Variants in IMMP1L observed in about 807,000 individuals in gnomAD.
IMMP1L encodes the protein mitochondrial inner membrane protease subunit 1.
A neutral mutation model predicts 21.8 loss-of-function variants in IMMP1L; 24 were observed. The ratio of observed to expected loss-of-function variants is 1.10; its 90% CI spans 0.80 to 1.55. The LOEUF (loss-of-function observed/expected upper bound fraction) is 1.55. IMMP1L is among the 40% of genes most tolerant of loss of function. The pLI is 0.00. For synonymous variants in IMMP1L, 46 were observed against 62.8 expected (o/e 0.73, Z 1.26); for missense variants, 195 against 200.7 (o/e 0.97, Z 0.17).
chr11:31,495,798 G>T (rs1029860273), intron 1 of IMMP1L, among the ~76,000 whole-genome samples: 1 of 152,076 alleles, frequency 6.6e-6, no homozygotes, highest in Admixed American at 6.5e-5. Context: ...ACATGGTATT[G>T]AGAAAACTAG....
chr11:31,433,389 CAG>C, intron 5 of IMMP1L, 69 bp downstream of exon 5: 2 of 874,468 alleles, frequency 2.3e-6, no homozygotes, highest in Non-Finnish European at 3.6e-6. Flanking sequence ...TTGAAGATTT[CAG>C]AGATCATTTT....
intron 4 of IMMP1L, among the ~76,000 whole-genome samples, chr11:31,454,788 GA>G (rs1030208071): frequency 3.3e-5 from 5 of 152,058 alleles, no homozygotes; most frequent in African/African-American, 1.2e-4. Context: ...CTCTTAAAAA[GA>G]AATCAACAAC....
Position 31,506,290 on chromosome 11 carries a change from G to A in IMMP1L, c.-30+3229C>T, listed in dbSNP as rs372968176. On this transcript the variant is annotated intron_variant, in intron 1 of 5. Transcript: ENST00000532287. ...TCGCCCAGGCCTGGAGTGCAGTGGC[G>A]CAATCTCGGCTCACTGCAAGCTCTG... Among the ~76,000 whole-genome samples the A allele has an allele frequency of 3.3e-3, 473 of 142,264 alleles. 4 individuals are homozygous for A. Among genetic ancestry groups the A allele is most frequent in the African/African-American group, 0.01 (395 of 38,050 alleles). The allele number at this position is 142,264 out of a possible 152,430, so 93.3% of individuals were successfully genotyped here. A position where few individuals can be genotyped will look rare whatever the true frequency, so the allele number is the denominator to read the frequency against.
chr11:31,490,408 G>A (rs1356347204), intron 1 of IMMP1L, among the ~76,000 whole-genome samples: 2 of 151,422 alleles, frequency 1.3e-5, no homozygotes, highest in Non-Finnish European at 2.9e-5. Flanking sequence ...GGAGGCAGAG[G>A]TTGCAGTGAG....
chr11:31,473,127 G>A (rs981198728), intron 1 of IMMP1L, among the ~76,000 whole-genome samples: 2 of 152,140 alleles, frequency 1.3e-5, no homozygotes, highest in Non-Finnish European at 2.9e-5. Context: ...TTGGCTCACC[G>A]CAAGCTCCGC....
chr11:31,458,933 C>G (rs1458737998), intron 3 of IMMP1L, among the ~76,000 whole-genome samples: 2 of 152,170 alleles, frequency 1.3e-5, no homozygotes, highest in Admixed American at 6.5e-5. Context: ...TCTCCTCATT[C>G]AGGATGCCCA....
intron 1 of IMMP1L, among the ~76,000 whole-genome samples, chr11:31,492,600 T>G (rs1195023691): frequency 6.6e-6 from 1 of 152,240 alleles, no homozygotes; most frequent in Non-Finnish European, 1.5e-5. Context: ...TAGCTTTTGA[T>G]TTAAAGTGAC....
At chr11:31,497,870 T>C (rs1955505253) in intron 1 of IMMP1L, among the ~76,000 whole-genome samples, 1 of 152,208 alleles carries the variant, frequency 6.6e-6, no homozygotes. Flanking sequence ...AAGTAGTGAA[T>C]TTTATGTTAC....
chr11:31,452,644 T>C (rs1157894959), intron 4 of IMMP1L: 1 of 985,850 alleles, frequency 1.0e-6, no homozygotes, highest in Non-Finnish European at 1.2e-6. Flanking sequence ...GAGTCACAAA[T>C]TAATCTCATA....
At chr11:31,443,781 A>G (rs1953420210) in intron 4 of IMMP1L, among the ~76,000 whole-genome samples, 1 of 152,192 alleles carries the variant, frequency 6.6e-6, no homozygotes, top group Admixed American at 6.5e-5. Flanking sequence ...TCCCTTCTTA[A>G]AAATGGTGCC....
intron 1 of IMMP1L, among the ~76,000 whole-genome samples, chr11:31,496,969 C>T (rs1955462811): frequency 7.2e-6 from 1 of 138,496 alleles, no homozygotes; most frequent in Non-Finnish European, 1.5e-5. Flanking sequence ...TATATATCAT[C>T]TATTATATAT....
At chr11:31,475,904 G>A (rs1954712919) in intron 1 of IMMP1L, among the ~76,000 whole-genome samples, 1 of 152,112 alleles carries the variant, frequency 6.6e-6, no homozygotes, top group South Asian at 2.1e-4. Context: ...ACTCTCAAGA[G>A]CTGTTCAGTA....
intron 1 of IMMP1L, among the ~76,000 whole-genome samples, chr11:31,467,368 T>G (rs1954392588): frequency 6.6e-6 from 1 of 152,130 alleles, no homozygotes; most frequent in South Asian, 2.1e-4. Flanking sequence ...AGTGCCCACA[T>G]TTTTGGTTTC....
chr11:31,492,088 G>A (rs1301034619), intron 1 of IMMP1L, among the ~76,000 whole-genome samples: 1 of 152,162 alleles, frequency 6.6e-6, no homozygotes, highest in African/African-American at 2.4e-5. Flanking sequence ...AAGCATCAAA[G>A]CCAGGCATTG....
intron 4 of IMMP1L, among the ~76,000 whole-genome samples, chr11:31,444,002 A>G (rs992253782): frequency 2.0e-5 from 3 of 152,128 alleles, no homozygotes; most frequent in Admixed American, 1.3e-4. Flanking sequence ...AAGCTCTTTC[A>G]TCTTCTCCCT....
Position 31,432,439 on chromosome 11 carries a change from A to C in IMMP1L, c.*61T>G. ...GTTTATTGGTAAGTACACGGTTTCA[A>C]CGGGAGTAATAAATTCACATGAAAA... is the stretch of plus-strand genomic sequence containing the variant. On this transcript the variant is annotated 3_prime_UTR_variant, in exon 6 of 6. Coordinates refer to ENST00000532287, the MANE Select transcript of IMMP1L (RefSeq NM_001304274.2). 8.7e-7 allele frequency: 1 copy of C among 1,150,182 alleles called. No individual in the cohort carries two copies. Among genetic ancestry groups the C allele is most frequent in the Non-Finnish European group, 1.3e-6 (1 of 760,104 alleles). 71.2% of individuals were successfully genotyped at this position (1,150,182 alleles called of 1,614,324 possible).
intron 1 of IMMP1L, among the ~76,000 whole-genome samples, chr11:31,503,850 G>C (rs1001107295): frequency 2.1e-4 from 32 of 152,176 alleles, no homozygotes; most frequent in African/African-American, 7.5e-4. Context: ...CAAATTCTGA[G>C]AGAAAGAAAG....
chr11:31,475,118 T>C (rs1410523653), intron 1 of IMMP1L, among the ~76,000 whole-genome samples: 1 of 152,252 alleles, frequency 6.6e-6, no homozygotes, highest in African/African-American at 2.4e-5. Flanking sequence ...GTAAATATTA[T>C]AATGCTAATA....
At chr11:31,446,328 T>C (rs1953518431) in intron 4 of IMMP1L, among the ~76,000 whole-genome samples, 1 of 152,148 alleles carries the variant, frequency 6.6e-6, no homozygotes, top group Non-Finnish European at 1.5e-5. Context: ...GCCTCCAGGC[T>C]CTCCTAATCC....
Sources: gnomAD v4.1 joint callset for allele counts (sites outside exome capture counted in the v4.1 genomes callset) on GRCh38, gnomAD v4.1.1 for gene constraint, MANE v1.5 for transcripts, NCBI Gene and HGNC (gene_info 2026-07-23, HGNC 2026-07-21) for gene names.